LMO7: variants seen among roughly 807,000 people sequenced by gnomAD.
The protein encoded by LMO7 is LIM domain 7.
A neutral mutation model predicts 206.5 loss-of-function variants in LMO7; 120 were observed. The observed-to-expected ratio is 0.58, with a 90% confidence interval of 0.50 to 0.68. LMO7 has a LOEUF of 0.68. LMO7 is among the 30% of genes least tolerant of loss of function. The probability of loss-of-function intolerance (pLI) is 0.00; values close to 1 mark genes in which losing one functional copy is unlikely to be tolerated. For missense variants in LMO7, 1,959 were observed against 1,957.9 expected (o/e 1.00, Z -0.01); for synonymous variants, 706 against 681.5 (o/e 1.04, Z -0.56).
intron 4 of LMO7, among the ~76,000 whole-genome samples, chr13:75,770,992 T>C (rs1296360695): frequency 2.0e-5 from 3 of 152,136 alleles, no homozygotes; most frequent in African/African-American, 7.2e-5. Flanking sequence ...AAAAATTTGC[T>C]GACGTTCTTT....
intron 1 of LMO7, among the ~76,000 whole-genome samples, chr13:75,676,418 C>A (rs2040022415): frequency 6.6e-6 from 1 of 152,180 alleles, no homozygotes; most frequent in Non-Finnish European, 1.5e-5. Context: ...TCCAAGCCGG[C>A]TCCTTTACAT....
intron 4 of LMO7, among the ~76,000 whole-genome samples, chr13:75,776,423 T>G (rs1415637145): frequency 6.6e-6 from 1 of 151,538 alleles, no homozygotes; most frequent in Non-Finnish European, 1.5e-5. Context: ...TCGTGTTTGA[T>G]CCCTTTTTAT....
chr13:75,807,191 G>T (rs2055635168), intron 9 of LMO7: 1 of 331,148 alleles, frequency 3.0e-6, no homozygotes, highest in Non-Finnish European at 5.6e-6. Context: ...CCTGGGAGGG[G>T]TACCTAGTCC....
chr13:75,848,957 G>A (rs746301176), intron 26 of LMO7, 122 bp from the exon 27 acceptor site: 7 of 633,906 alleles, frequency 1.1e-5, no homozygotes, highest in Non-Finnish European at 1.7e-5. Flanking sequence ...CATTCTTGCA[G>A]GAGTAAGGTG....
At chr13:75,637,926 A>G (rs976280920) in intron 1 of LMO7, among the ~76,000 whole-genome samples, 1 of 152,176 alleles carries the variant, frequency 6.6e-6, no homozygotes, top group African/African-American at 2.4e-5. Context: ...GAAAGATGTG[A>G]AGGGAGGGGC....
chr13:75,777,807 G>A (rs1193471036), intron 4 of LMO7, among the ~76,000 whole-genome samples: 8 of 151,852 alleles, frequency 5.3e-5, no homozygotes, highest in African/African-American at 1.2e-4. Flanking sequence ...CACGACGCCC[G>A]CCTAATTTTT....
At chr13:75,701,323 A>G (rs1380029636) in intron 1 of LMO7, among the ~76,000 whole-genome samples, 1 of 152,204 alleles carries the variant, frequency 6.6e-6, no homozygotes, top group East Asian at 1.9e-4. Context: ...AGTAAAGTAT[A>G]TCATAGGTAG....
At chr13:75,706,291 T>G (rs2042644520) in intron 1 of LMO7, among the ~76,000 whole-genome samples, 1 of 152,216 alleles carries the variant, frequency 6.6e-6, no homozygotes, top group African/African-American at 2.4e-5. Context: ...AGGCAGCCTC[T>G]GTAGACCTAA....
intron 1 of LMO7, among the ~76,000 whole-genome samples, chr13:75,704,550 T>C (rs573790056): frequency 1.1e-4 from 17 of 152,336 alleles, no homozygotes; most frequent in South Asian, 4.1e-4. Context: ...GCACAGGGGT[T>C]TGCACACAAA....
intron 4 of LMO7, among the ~76,000 whole-genome samples, chr13:75,769,465 ACTGT>A (rs1183152985): frequency 3.3e-5 from 5 of 151,868 alleles, no homozygotes; most frequent in African/African-American, 1.2e-4. Context: ...CCAAAGAATT[ACTGT>A]AAAACTTTTA....
At chr13:75,808,886 C>A (rs1595175386) in intron 10 of LMO7, among the ~76,000 whole-genome samples, 1 of 152,152 alleles carries the variant, frequency 6.6e-6, no homozygotes, top group African/African-American at 2.4e-5. Flanking sequence ...CCAAATCTAA[C>A]TTAACAGTTC....
At chr13:75,642,517 C>T (rs1390240047) in intron 1 of LMO7, among the ~76,000 whole-genome samples, 5 of 150,364 alleles carry the variant, frequency 3.3e-5, no homozygotes, top group Non-Finnish European at 5.9e-5. Flanking sequence ...GTGGGAGGAT[C>T]GCCTGAGTCT....
At chr13:75,764,992 A>C (rs1478362882) in intron 4 of LMO7, among the ~76,000 whole-genome samples, 2 of 152,188 alleles carry the variant, frequency 1.3e-5, no homozygotes, top group Non-Finnish European at 2.9e-5. Context: ...CTCTTTACAC[A>C]TGCTAGTTGC....
intron 6 of LMO7, among the ~76,000 whole-genome samples, chr13:75,798,118 C>A (rs1375252137): frequency 6.6e-6 from 1 of 152,186 alleles, no homozygotes; most frequent in Non-Finnish European, 1.5e-5. Context: ...TGCCTGTAAT[C>A]CCAGCACTTT....
Position 75,760,939 on chromosome 13 carries a change from T to C in LMO7, c.218T>C (p.Ile73Thr). 1.9e-6 allele frequency: 3 copies of C among 1,613,420 alleles called. No individual in the cohort carries two copies. The highest frequency in any genetic ancestry group is 2.5e-6 in the Non-Finnish European group (3 of 1,179,678). Residue 73 changes from isoleucine (I) to threonine (T), a missense_variant, in exon 4 of 31, where the codon ATA (isoleucine) becomes ACA (threonine). Coordinates refer to ENST00000377534, the MANE Select transcript of LMO7 (RefSeq NM_001306080.2). The stretch of plus-strand genomic sequence containing the variant: ...TTCCACTTCTTTTCACAGGATAATA[T>C]AAACGTTTTCTTGAAAGCTTGTGAA... ...LSTPIAGLDNINVFLKACEQI... is the reference protein window; with the variant it reads ...LSTPIAGLDNTNVFLKACEQI...
upstream of LMO7, among the ~76,000 whole-genome samples, chr13:75,632,586 T>G (rs1370080997): frequency 6.6e-6 from 1 of 152,254 alleles, no homozygotes; most frequent in Non-Finnish European, 1.5e-5. Context: ...TGAAGCTTAG[T>G]GATTCTGGTA....
At chr13:75,692,619 A>G (rs373866307) in intron 1 of LMO7, among the ~76,000 whole-genome samples, 3 of 152,090 alleles carry the variant, frequency 2.0e-5, no homozygotes, top group East Asian at 1.9e-4. Flanking sequence ...AGTATGAGCC[A>G]CTGCACTCGG....
chr13:75,711,481 G>A (rs961844747), intron 1 of LMO7, among the ~76,000 whole-genome samples: 1 of 152,204 alleles, frequency 6.6e-6, no homozygotes, highest in Non-Finnish European at 1.5e-5. Context: ...TTCAGAGCCT[G>A]TTATTGGTCT....
chr13:75,699,458 A>G (rs1442663112), intron 1 of LMO7, among the ~76,000 whole-genome samples: 5 of 149,980 alleles, frequency 3.3e-5, no homozygotes, highest in East Asian at 1.9e-4. Context: ...CCAATATTTC[A>G]ATGTAGGTTA....
Sources: gnomAD v4.1 joint callset for allele counts (sites outside exome capture counted in the v4.1 genomes callset) on GRCh38, gnomAD v4.1.1 for gene constraint, MANE v1.5 for transcripts, NCBI Gene and HGNC (gene_info 2026-07-23, HGNC 2026-07-21) for gene names.